SEMA6D: variants seen among roughly 807,000 people sequenced by gnomAD.
The protein encoded by SEMA6D is semaphorin 6D, also known as semaphorin-6D.
SEMA6D carries 35 observed loss-of-function variants against 106.6 expected under a neutral mutation model. The ratio of observed to expected loss-of-function variants is 0.33; its 90% CI spans 0.25 to 0.44. The LOEUF is 0.44. Among genes scored for constraint, SEMA6D ranks in the 20% least tolerant of loss-of-function variants. SEMA6D has a pLI of 1.00. For synonymous variants in SEMA6D, 499 were observed against 487.7 expected (o/e 1.02, Z -0.31); for missense variants, 1,185 against 1,345.9 (o/e 0.88, Z 1.87).
chr15:47,753,938 T>A (rs2081580998), intron 1 of SEMA6D, among the ~76,000 whole-genome samples: 1 of 152,176 alleles, frequency 6.6e-6, no homozygotes, highest in Admixed American at 6.5e-5. Flanking sequence ...CAACATGGTA[T>A]CTCTCTGGGT....
intron 1 of SEMA6D, among the ~76,000 whole-genome samples, chr15:47,753,642 G>C (rs779438282): frequency 4.6e-5 from 7 of 152,292 alleles, no homozygotes; most frequent in South Asian, 4.1e-4. Context: ...TTATGATTTT[G>C]AGGCTGAAGT....
Position 47,771,896 on chromosome 15 carries a change from G to A in SEMA6D, c.*111G>A. 8.5e-7 allele frequency: 1 copy of A among 1,182,946 alleles called. No homozygotes were observed. Among genetic ancestry groups the A allele is most frequent in the Non-Finnish European group, 1.2e-6 (1 of 836,264 alleles). The allele number at this position is 1,182,946 out of a possible 1,614,324, so 73.3% of individuals were successfully genotyped here. A position where few individuals can be genotyped will look rare whatever the true frequency, so the allele number is the denominator to read the frequency against. The stretch of plus-strand genomic sequence containing the variant: ...CTCGCTTGTATTTTAAGAGAACCAA[G>A]TGGCCAAAGAAACTCTTTCTAACTT... On this transcript the variant is annotated 3_prime_UTR_variant, in exon 19 of 19. Transcript: ENST00000536845.
At chr15:47,469,649 C>T (rs2042771555) in intron 2 of SEMA6D, among the ~76,000 whole-genome samples, 2 of 152,172 alleles carry the variant, frequency 1.3e-5, no homozygotes, top group South Asian at 4.2e-4. Context: ...TATCATATGC[C>T]ATGTACTTTG....
At chr15:47,645,647 G>A (rs1205391492) in intron 4 of SEMA6D, among the ~76,000 whole-genome samples, 2 of 152,008 alleles carry the variant, frequency 1.3e-5, no homozygotes, top group Non-Finnish European at 2.9e-5. Context: ...TTCCAGCCCT[G>A]GCACTGTCTA....
chr15:47,585,004 G>C (rs2076313224), intron 3 of SEMA6D, among the ~76,000 whole-genome samples: 1 of 152,164 alleles, frequency 6.6e-6, no homozygotes, highest in South Asian at 2.1e-4. Context: ...GAGATTTAGG[G>C]AATGTATGAA....
rs201420371 is a variant in SEMA6D at position 47,487,890 on chromosome 15, T to TTA, written c.-87+17351_-87+17352dup. 5.6e-3 allele frequency among the ~76,000 whole-genome samples: 860 copies of TTA among 152,308 alleles called. 6 individuals are homozygous for TTA. The highest frequency in any genetic ancestry group is 0.015 in the Admixed American group (229 of 15,304). ...ATATATTACCTTATTTATTTTTCTT[T>TTA]TATATATGCAGCTCTTTCCTTCATC... On this transcript the variant is annotated intron_variant, in intron 3 of 19. Coordinates refer to the SEMA6D transcript ENST00000558014.
At chr15:47,365,975 C>G (rs1203778240) in intron 1 of SEMA6D, among the ~76,000 whole-genome samples, 1 of 151,212 alleles carries the variant, frequency 6.6e-6, no homozygotes, top group Non-Finnish European at 1.5e-5. Context: ...AAGAAAGAAA[C>G]AGAACCTACC....
At chr15:47,526,705 T>A (rs1268567151) in intron 3 of SEMA6D, among the ~76,000 whole-genome samples, 1 of 152,184 alleles carries the variant, frequency 6.6e-6, no homozygotes, top group African/African-American at 2.4e-5. Context: ...GTGGTGATGG[T>A]GGTTGGCACC....
intron 4 of SEMA6D, among the ~76,000 whole-genome samples, chr15:47,608,115 A>T (rs1013462253): frequency 1.3e-5 from 2 of 152,230 alleles, no homozygotes; most frequent in Non-Finnish European, 1.5e-5. Flanking sequence ...TAATATTATT[A>T]TGGAATGGTT....
At chr15:47,365,893 GAGAGAGA>G (rs2039003222) in intron 1 of SEMA6D, among the ~76,000 whole-genome samples, 33 of 47,668 alleles carry the variant, frequency 6.9e-4, no homozygotes, top group South Asian at 1.5e-3. Flanking sequence ...AGAGAGAGGA[GAGAGAGA>G]GAGAGAGAGA....
rs183666917 is a variant in SEMA6D, at chr15:47,367,326, G to C, written c.-238-45067G>C. On this transcript the variant is annotated intron_variant, in intron 1 of 19. Transcript: ENST00000558014. ...TTTCTCCATAATCCTACTCTGAATA[G>C]ATTATTAATAACTAGTCTGCATTTG... Among the ~76,000 whole-genome samples, 43 of 152,184 alleles carry C rather than the reference G, an allele frequency of 2.8e-4. No individual in the cohort carries two copies. In the East Asian group the frequency reaches 8.3e-3, roughly 29 times the overall value.
At chr15:47,364,801 G>T (rs1240688584) in intron 1 of SEMA6D, among the ~76,000 whole-genome samples, 1 of 147,018 alleles carries the variant, frequency 6.8e-6, no homozygotes, top group East Asian at 2.1e-4. Context: ...GGACACAAAT[G>T]ATTCCAGCCA....
chr15:47,568,193 T>TTA (rs1555391890), intron 3 of SEMA6D, among the ~76,000 whole-genome samples: 3 of 141,162 alleles, frequency 2.1e-5, no homozygotes, highest in Non-Finnish European at 4.5e-5. Flanking sequence ...TTTTGCCATT[T>TTA]AAAAAAAAAA....
At chr15:47,196,492 G>A (rs796752827) in intron 1 of SEMA6D, among the ~76,000 whole-genome samples, 53 of 152,238 alleles carry the variant, frequency 3.5e-4, no homozygotes, top group African/African-American at 1.3e-3. Context: ...CCTAAAATAT[G>A]GGGAAATTGA....
intron 1 of SEMA6D, among the ~76,000 whole-genome samples, chr15:47,221,468 T>C (rs754696981): frequency 2.3e-4 from 35 of 152,182 alleles, no homozygotes; most frequent in Non-Finnish European, 3.8e-4. Flanking sequence ...TCAAAGTCTG[T>C]TCCTAGGAGT....
chr15:47,708,379 C>T (rs1024789296), intron 4 of SEMA6D, among the ~76,000 whole-genome samples: 1 of 152,194 alleles, frequency 6.6e-6, no homozygotes. Context: ...CAAAGTACCT[C>T]TGTTAGAGTT....
chr15:47,691,511 C>T (rs2078585363), intron 4 of SEMA6D, among the ~76,000 whole-genome samples: 2 of 152,118 alleles, frequency 1.3e-5, no homozygotes, highest in Non-Finnish European at 2.9e-5. Flanking sequence ...CATAGGTCTG[C>T]AGTGTTGGAC....
intron 1 of SEMA6D, among the ~76,000 whole-genome samples, chr15:47,299,217 A>T (rs1246727909): frequency 1.3e-5 from 2 of 152,200 alleles, no homozygotes; most frequent in Non-Finnish European, 2.9e-5. Context: ...CCAAACCGAC[A>T]AGACACACCA....
At chr15:47,414,997 G>T (rs1457193921) in intron 2 of SEMA6D, among the ~76,000 whole-genome samples, 2 of 152,148 alleles carry the variant, frequency 1.3e-5, no homozygotes, top group Non-Finnish European at 2.9e-5. Context: ...CTTAGCTGGA[G>T]ATAAAATAAT....
Sources: gnomAD v4.1 joint callset for allele counts (sites outside exome capture counted in the v4.1 genomes callset) on GRCh38, gnomAD v4.1.1 for gene constraint, MANE v1.5 for transcripts, NCBI Gene and HGNC (gene_info 2026-07-23, HGNC 2026-07-21) for gene names.